The following FBXO10 variants were observed in gnomAD, a reference collection of about 807,000 sequenced individuals.
FBXO10 encodes the protein F-box only protein 10.
A neutral mutation model predicts 80.7 loss-of-function variants in FBXO10; 39 were observed. That is an observed-to-expected ratio of 0.48 (90% CI 0.37 to 0.63). The LOEUF (loss-of-function observed/expected upper bound fraction) is 0.63, where lower values mean the gene tolerates loss of function less well. Among genes scored for constraint, FBXO10 ranks in the 30% least tolerant of loss-of-function variants. The probability of loss-of-function intolerance (pLI) is 0.00; values close to 1 mark genes in which losing one functional copy is unlikely to be tolerated. For missense variants in FBXO10, 1,025 were observed against 1,269.0 expected, an observed-to-expected ratio of 0.81 and a Z score of 2.92; for synonymous variants, 449 against 489.6, an observed-to-expected ratio of 0.92 and a Z score of 1.09.
At chr9:37,524,146 G>A (rs950240669) in intron 6 of FBXO10, among the ~76,000 whole-genome samples, 1 of 151,954 alleles carries the variant, frequency 6.6e-6, no homozygotes, top group Non-Finnish European at 1.5e-5. Flanking sequence ...TCTCACAGGC[G>A]GCCCTACACG....
At chr9:37,546,212 A>C (rs1822052291) in intron 1 of FBXO10, among the ~76,000 whole-genome samples, 1 of 152,042 alleles carries the variant, frequency 6.6e-6, no homozygotes, top group African/African-American at 2.4e-5. Context: ...ACATCCTGGC[A>C]TTCATTCTGA....
rs539598355 is a variant in FBXO10 at position 37,521,255 on chromosome 9, C to T, written c.2200+314G>A. 1.3e-4 allele frequency among the ~76,000 whole-genome samples: 19 copies of T among 150,866 alleles called. 1 individual carries two copies. The highest frequency in any genetic ancestry group is 1.9e-4 in the African/African-American group (8 of 41,420). On this transcript the variant is annotated intron_variant, in intron 8 of 10. Transcript: ENST00000432825. ...CTCAAAAATAAGAAGCACCTCTGCT[C>T]GGCCGCCCCACCGTCTGGGAAGTGA...
chr9:37,531,007 C>A (rs1395229391), intron 4 of FBXO10, among the ~76,000 whole-genome samples: 1 of 152,202 alleles, frequency 6.6e-6, no homozygotes, highest in Non-Finnish European at 1.5e-5. Context: ...GTCAGACTGC[C>A]TGGATTCAAA....
chr9:37,518,529 C>T (rs1310111889), intron 8 of FBXO10, 91 bp from the exon 9 acceptor site: 14 of 1,100,348 alleles, frequency 1.3e-5, no homozygotes, highest in African/African-American at 3.1e-5. Flanking sequence ...TTGTGCACTC[C>T]GGGAGAACGG....
chr9:37,553,881 A>G (rs1339072434), intron 1 of FBXO10, among the ~76,000 whole-genome samples: 1 of 139,994 alleles, frequency 7.1e-6, no homozygotes, highest in African/African-American at 2.7e-5. Flanking sequence ...ATGGCATTGC[A>G]CTCCAGCCCG....
At chr9:37,560,945 A>G (rs1474935266) in intron 1 of FBXO10, among the ~76,000 whole-genome samples, 4 of 152,148 alleles carry the variant, frequency 2.6e-5, no homozygotes, top group Non-Finnish European at 4.4e-5. Context: ...GATTGAGACC[A>G]TCCAGGCTAA....
intron 1 of FBXO10, among the ~76,000 whole-genome samples, chr9:37,571,158 T>C (rs1321859464): frequency 6.6e-6 from 1 of 152,124 alleles, no homozygotes; most frequent in Non-Finnish European, 1.5e-5. Context: ...AAAACACACC[T>C]GCGAGCCCAG....
chr9:37,531,324 A>C (rs967736328), intron 4 of FBXO10, among the ~76,000 whole-genome samples: 3 of 152,224 alleles, frequency 2.0e-5, no homozygotes, highest in South Asian at 2.1e-4. Flanking sequence ...GTGTAAAAAC[A>C]AAATAAAAAA....
intron 6 of FBXO10, 97 bp from the exon 7 acceptor site, chr9:37,523,074 C>T: frequency 7.1e-7 from 1 of 1,411,466 alleles, no homozygotes. Flanking sequence ...TACTCCAGAC[C>T]AGAAGGCCCT....
At chr9:37,527,256 T>C (rs375883578) in intron 5 of FBXO10, among the ~76,000 whole-genome samples, 2 of 152,328 alleles carry the variant, frequency 1.3e-5, no homozygotes, top group African/African-American at 2.4e-5. Context: ...TTCTCCAAAG[T>C]CCTTCACTCA....
At chr9:37,573,035 G>T (rs1307050653) in intron 1 of FBXO10, among the ~76,000 whole-genome samples, 5 of 152,130 alleles carry the variant, frequency 3.3e-5, no homozygotes, top group Non-Finnish European at 7.3e-5. Flanking sequence ...CTTTACATAT[G>T]GAAAAGTAAG....
At position 37,531,910 on chromosome 9, in the gene FBXO10, A is replaced by G; in HGVS notation, c.1568T>C (p.Leu523Pro). The change falls in exon 4 of 11, where the codon CTG becomes CCG. Residue 523 changes from leucine to proline, a missense_variant and splice_region_variant. Leu to Pro is a moderately conservative substitution (Grantham distance 98). This residue lies in a region of FBXO10 where 478 missense variants were observed against 667.8 expected (regional missense o/e 0.72). Transcript: ENST00000432825. The stretch of plus-strand genomic sequence containing the variant: ...GAATAGGGAACGAACACAAAGTACC[A>G]GTATGAGTGGGTTGGACTTTTTCCG... The part of the protein sequence containing the change: ...DIRKKSNPLI[L>P]CNQIHHGLRS... 2 of 1,613,698 alleles carry G rather than the reference A, an allele frequency of 1.2e-6. No individual in the cohort carries two copies. Among genetic ancestry groups the G allele is most frequent in the Non-Finnish European group, 1.7e-6 (2 of 1,179,688 alleles).
At chr9:37,532,417 C>T (rs529807474) in intron 3 of FBXO10, among the ~76,000 whole-genome samples, 1 of 151,872 alleles carries the variant, frequency 6.6e-6, no homozygotes, top group African/African-American at 2.4e-5. Context: ...CCTCCCACCT[C>T]AGCCTCCCAA....
At position 37,541,747 on chromosome 9, in the gene FBXO10, A is replaced by G. The variant is rs1588843251; in HGVS notation, c.22T>C (p.Leu8=). 6.2e-7 allele frequency: 1 copy of G among 1,601,996 alleles called. No individual in the cohort carries two copies. Among genetic ancestry groups the G allele is most frequent in the South Asian group, 1.1e-5 (1 of 90,218 alleles). The change falls in exon 2 of 11, where the codon TTG becomes CTG. Residue 8 remains leucine (L), a synonymous_variant. Transcript: ENST00000432825. The stretch of plus-strand genomic sequence containing the variant: ...GCTAAGATCATGCGCCACAGCTCCA[A>G]GGGGAGGCCACCAGCCTCCATGGTC... MEAGGLP[L]ELWRMILAYL... is the part of the protein sequence containing the mutation.
chr9:37,534,196 T>C (rs1821697934), intron 3 of FBXO10, among the ~76,000 whole-genome samples: 1 of 152,136 alleles, frequency 6.6e-6, no homozygotes, highest in Non-Finnish European at 1.5e-5. Context: ...GTACTACTAA[T>C]AATATATTGC....
At chr9:37,572,304 T>C (rs1822779614) in intron 1 of FBXO10, among the ~76,000 whole-genome samples, 1 of 152,148 alleles carries the variant, frequency 6.6e-6, no homozygotes, top group Non-Finnish European at 1.5e-5. Context: ...GAAAGTAAAC[T>C]GTTCGACACT....
intron 1 of FBXO10, among the ~76,000 whole-genome samples, chr9:37,553,595 A>G (rs368115336): frequency 1.3e-5 from 2 of 152,060 alleles, no homozygotes; most frequent in Non-Finnish European, 2.9e-5. Flanking sequence ...GTAGATTCAC[A>G]TGCAGTTATA....
At chr9:37,517,566 T>C (rs1662330156) in intron 9 of FBXO10, among the ~76,000 whole-genome samples, 1 of 99,194 alleles carries the variant, frequency 1.0e-5, no homozygotes, top group South Asian at 3.4e-4. Flanking sequence ...CTCTGTGAGG[T>C]ATGTGTGGAC....
chr9:37,562,158 G>A lies in FBXO10; in HGVS notation c.-7+14053C>T, dbSNP rs115582996. ...TGGGAAGGGTGGGCTCCATGTGCCC[G>A]TTCACCAAGCACCAAGATGGGCAGG... On this transcript the variant is annotated intron_variant, in intron 1 of 10. Transcript: ENST00000432825. Among the ~76,000 whole-genome samples the A allele has an allele frequency of 3.9e-3, 587 of 152,294 alleles. 7 individuals carry two copies. The highest frequency in any genetic ancestry group is 0.013 in the African/African-American group (551 of 41,566).
Sources: allele counts gnomAD v4.1 joint callset (sites outside exome capture counted in the v4.1 genomes callset), GRCh38; gene constraint gnomAD v4.1.1; regional missense constraint gnomAD v4.1.1; transcripts MANE v1.5; gene names NCBI Gene and HGNC (gene_info 2026-07-23, HGNC 2026-07-21).